The following KCNQ3 variants were observed in gnomAD, a reference collection of about 807,000 sequenced individuals.
KCNQ3 encodes potassium voltage-gated channel subfamily Q member 3.
In KCNQ3, 30 loss-of-function variants were observed where a neutral mutation model predicts 92.5. The observed-to-expected ratio is 0.32, with a 90% CI of 0.24 to 0.44. The LOEUF is 0.44. Ranked by LOEUF, KCNQ3 falls within the 20% of genes least tolerant of loss-of-function variation. The pLI, the probability that KCNQ3 is intolerant of heterozygous loss-of-function variation, is 1.00. For missense variants in KCNQ3, 913 were observed against 1,140.3 expected (o/e 0.80, Z 2.87); for synonymous variants, 450 against 468.8 (o/e 0.96, Z 0.52).
chr8:132,160,678 G>T (rs749744396), intron 9 of KCNQ3, among the ~76,000 whole-genome samples: 14 of 149,184 alleles, frequency 9.4e-5, no homozygotes, highest in Non-Finnish European at 1.5e-4. Flanking sequence ...TAAAGCTGTC[G>T]CTTATGAGGG....
At chr8:132,385,212 A>G (rs1055802257) in intron 1 of KCNQ3, among the ~76,000 whole-genome samples, 4 of 152,284 alleles carry the variant, frequency 2.6e-5, no homozygotes, top group African/African-American at 4.8e-5. Context: ...GCGTGAAGTC[A>G]GTTGAGGCCT....
chr8:132,210,886 G>T (rs1813831039), intron 1 of KCNQ3, among the ~76,000 whole-genome samples: 1 of 152,180 alleles, frequency 6.6e-6, no homozygotes, highest in African/African-American at 2.4e-5. Flanking sequence ...TCATGGGGTG[G>T]TTGTAAAAAT....
Position 132,144,503 on chromosome 8 carries a change from C to T in KCNQ3, c.1263-3172G>A, listed in dbSNP as rs1375105939. ...GAAAAGCCTTCCCCAGAGATGACAT[C>T]AGATTTTCTTCGAAAGCTAGGGCTC... On this transcript the variant is annotated intron_variant, in intron 9 of 14. Transcript: ENST00000388996. Among the ~76,000 whole-genome samples the T allele has an allele frequency of 2.6e-5, 4 of 152,222 alleles. No individual in the cohort carries two copies. In the East Asian group the frequency reaches 7.7e-4, roughly 29 times the overall value.
chr8:132,162,104 T>C (rs2130070763), intron 9 of KCNQ3, among the ~76,000 whole-genome samples: 1 of 152,280 alleles, frequency 6.6e-6, no homozygotes, highest in African/African-American at 2.4e-5. Flanking sequence ...GAAAGGGACA[T>C]GAGCAAGTTG....
At chr8:132,243,628 G>T (rs1815063502) in intron 1 of KCNQ3, among the ~76,000 whole-genome samples, 1 of 152,206 alleles carries the variant, frequency 6.6e-6, no homozygotes, top group African/African-American at 2.4e-5. Flanking sequence ...CAATGGCTTT[G>T]GTGTCAGAGA....
chr8:132,374,704 C>T (rs369764665), intron 1 of KCNQ3, among the ~76,000 whole-genome samples: 181 of 152,192 alleles, frequency 1.2e-3, no homozygotes, highest in African/African-American at 2.6e-3. Context: ...TAGGCCCCAG[C>T]GTCTGTTATT....
At chr8:132,135,447 C>T (rs1825051350) in intron 12 of KCNQ3, among the ~76,000 whole-genome samples, 1 of 152,050 alleles carries the variant, frequency 6.6e-6, no homozygotes, top group South Asian at 2.1e-4. Context: ...CTTCCGTCTC[C>T]TCCTTGGAAA....
chr8:132,410,711 T>C (rs578241472), intron 1 of KCNQ3, among the ~76,000 whole-genome samples: 2 of 152,340 alleles, frequency 1.3e-5, no homozygotes, highest in Admixed American at 1.3e-4. Context: ...AACAGTCACA[T>C]TTTTCTAACA....
In KCNQ3 at chr8:132,129,039, T is replaced by C; in HGVS notation, c.*223A>G. ...TAGAAGAGATTAGCGGAACCATTTA[T>C]ATAGTGTAAAGTCATGCAAACCATG... is the stretch of plus-strand genomic sequence containing the variant. On this transcript the variant is annotated 3_prime_UTR_variant, in exon 15 of 15. Transcript: ENST00000388996. The surrounding 1 kb of genome is among the most constrained non-coding windows in gnomAD (Gnocchi z 5.9). 1.7e-6 allele frequency: 1 copy of C among 591,490 alleles called. No individual in the cohort carries two copies. Among genetic ancestry groups the C allele is most frequent in the Non-Finnish European group, 3.0e-6 (1 of 332,604 alleles). The allele number at this position is 591,490 out of a possible 1,614,324, so 36.6% of individuals were successfully genotyped here. A position where few individuals can be genotyped will look rare whatever the true frequency, so the allele number is the denominator to read the frequency against.
chr8:132,227,818 T>C (rs937212493), intron 1 of KCNQ3, among the ~76,000 whole-genome samples: 2 of 152,150 alleles, frequency 1.3e-5, no homozygotes, highest in Non-Finnish European at 2.9e-5. Flanking sequence ...AAATGGCAAT[T>C]AGAACCACGA....
chr8:132,257,597 A>T (rs1177161628), intron 1 of KCNQ3, among the ~76,000 whole-genome samples: 13 of 151,896 alleles, frequency 8.6e-5, no homozygotes. Flanking sequence ...AAATACAAAA[A>T]TTAGCTGGGT....
rs150229156 is a variant in KCNQ3 at position 132,348,783 on chromosome 8, G to A, written c.386+131364C>T. Among the ~76,000 whole-genome samples the A allele has an allele frequency of 6.8e-3, 1,040 of 152,236 alleles. 4 individuals are homozygous for A. The highest frequency in any genetic ancestry group is 0.01 in the Non-Finnish European group (683 of 68,018). ...TCTTGACTTTCTAGGCTAGTAAATC[G>A]TTTGCAATACTGTTCATTCCTTTGC... On this transcript the variant is annotated intron_variant, in intron 1 of 14. Transcript: ENST00000388996.
rs187597081 is a variant in KCNQ3, at chr8:132,251,207, C to G, written c.387-65026G>C. The stretch of plus-strand genomic sequence containing the variant: ...ACTTGAGCCTGGGAGGTGGAGGAGG[C>G]AGTGAGCCATGAGTGCACCACTGCA... On this transcript the variant is annotated intron_variant, in intron 1 of 14. Transcript: ENST00000388996. Among the ~76,000 whole-genome samples, 739 of 151,982 alleles carry G rather than the reference C, an allele frequency of 4.9e-3. 7 individuals are homozygous for G. The highest frequency in any genetic ancestry group is 0.017 in the African/African-American group (715 of 41,436).
chr8:132,418,219 T>C (rs890366819), intron 1 of KCNQ3, among the ~76,000 whole-genome samples: 5 of 152,220 alleles, frequency 3.3e-5, no homozygotes, highest in South Asian at 2.1e-4. Context: ...GAGGACAAGA[T>C]AAATATAAAC....
intron 1 of KCNQ3, among the ~76,000 whole-genome samples, chr8:132,296,013 G>A (rs1253339089): frequency 6.6e-6 from 1 of 152,164 alleles, no homozygotes; most frequent in Non-Finnish European, 1.5e-5. Context: ...TACATGTTGT[G>A]CACATGAATC....
intron 1 of KCNQ3, among the ~76,000 whole-genome samples, chr8:132,215,524 C>G (rs1232074737): frequency 2.6e-5 from 4 of 152,210 alleles, no homozygotes; most frequent in Admixed American, 6.5e-5. Context: ...TTGGGCAGTT[C>G]TGTTTTGCCC....
At chr8:132,152,423 G>T (rs763095669) in intron 9 of KCNQ3, among the ~76,000 whole-genome samples, 135 of 152,294 alleles carry the variant, frequency 8.9e-4, no homozygotes, top group African/African-American at 3.2e-3. Context: ...CTTTCTGTCT[G>T]CCTGCTTGTC....
chr8:132,220,880 T>C (rs575336659), intron 1 of KCNQ3, among the ~76,000 whole-genome samples: 4 of 152,294 alleles, frequency 2.6e-5, no homozygotes, highest in East Asian at 3.9e-4. Flanking sequence ...GTTTGTTATA[T>C]AGGTATACAT....
chr8:132,396,726 G>A (rs183601794), intron 1 of KCNQ3, among the ~76,000 whole-genome samples: 6 of 152,202 alleles, frequency 3.9e-5, no homozygotes, highest in East Asian at 1.9e-4. Flanking sequence ...TTCTGCTATC[G>A]TCATTAAGAT....
Sources: gnomAD v4.1 joint callset for allele counts (sites outside exome capture counted in the v4.1 genomes callset) on GRCh38, gnomAD v4.1.1 for gene constraint, Gnocchi (gnomAD v3.1) non-coding constraint, MANE v1.5 for transcripts, NCBI Gene and HGNC (gene_info 2026-07-23, HGNC 2026-07-21) for gene names.